ATIC: variants seen among roughly 807,000 people sequenced by gnomAD.
The protein encoded by ATIC is bifunctional purine biosynthesis protein ATIC.
In ATIC, 64 loss-of-function variants were observed where a neutral mutation model predicts 72.5. That is an observed-to-expected ratio of 0.88 (90% CI 0.72 to 1.09). The LOEUF (loss-of-function observed/expected upper bound fraction) is 1.09. Among genes scored for constraint, ATIC ranks in the 50% least tolerant of loss-of-function variants. The pLI, the probability that ATIC is intolerant of heterozygous loss-of-function variation, is 0.00. For missense variants in ATIC, 787 were observed against 732.4 expected, an observed-to-expected ratio of 1.07 and a Z score of -0.86; for synonymous variants, 281 against 267.1, an observed-to-expected ratio of 1.05 and a Z score of -0.51.
the ATIC span, chr2:215,364,851 G>C: frequency 6.8e-7 from 1 of 1,463,310 alleles, no homozygotes; most frequent in Non-Finnish European, 9.3e-7. Context: ...TATCTAACTT[G>C]TAGGGAGCCT....
chr2:215,342,088 T>C (rs760072364), intron 12 of ATIC, among the ~76,000 whole-genome samples: 41 of 152,158 alleles, frequency 2.7e-4, no homozygotes, highest in Non-Finnish European at 4.9e-4. Context: ...TCCAGTTACC[T>C]CCACCTAGTC....
intron 10 of ATIC, 23 bp from the exon 11 acceptor site, chr2:215,336,012 A>G (rs1484975102): frequency 1.9e-6 from 3 of 1,557,912 alleles, no homozygotes; most frequent in South Asian, 1.1e-5. Context: ...AAAAATAGAA[A>G]TTAAAATTTA....
intron 2 of ATIC, among the ~76,000 whole-genome samples, chr2:215,315,681 T>C (rs1381563014): frequency 6.6e-6 from 1 of 152,160 alleles, no homozygotes; most frequent in Non-Finnish European, 1.5e-5. Context: ...CTGGGCGCAG[T>C]GGCTCACCCC....
Position 215,326,944 on chromosome 2 carries a change from G to C in ATIC, c.654G>C (p.Gln218His). The C allele has an allele frequency of 6.2e-7, 1 of 1,614,178 alleles. No homozygotes were observed. The highest frequency in any genetic ancestry group is 8.5e-7 in the Non-Finnish European group (1 of 1,180,046). The change falls in exon 7 of 16, where the codon CAG (glutamine) becomes CAC (histidine). Residue 218 changes from glutamine (Q) to histidine (H), a missense_variant. Coordinates refer to ENST00000236959, the MANE Select transcript of ATIC (RefSeq NM_004044.7). ...TGAACCCACATCAGACCCCTGCCCA[G>C]CTGTACACACTGCAGCCCAAGCTTC... is the stretch of plus-strand genomic sequence containing the variant. Reference protein sequence around the residue: ...YGMNPHQTPAQLYTLQPKLPI... With the variant: ...YGMNPHQTPAHLYTLQPKLPI...
chr2:215,335,877 T>C (rs2052948128), intron 10 of ATIC, 158 bp from the exon 11 acceptor site: 3 of 619,978 alleles, frequency 4.8e-6, no homozygotes, highest in Admixed American at 2.9e-5. Context: ...TGTATTCTAA[T>C]AGATTTCTCT....
chr2:215,367,738 A>G, the ATIC span: 1 of 930,526 alleles, frequency 1.1e-6, no homozygotes, highest in Non-Finnish European at 1.7e-6. Flanking sequence ...GTCAAACAGT[A>G]TTCTCTTGTT....
chr2:215,366,676 T>TGC, the ATIC span, among the ~76,000 whole-genome samples: 1 of 152,216 alleles, frequency 6.6e-6, no homozygotes, highest in Non-Finnish European at 1.5e-5. Context: ...CAATTCAGCC[T>TGC]GCCTTAAGCT....
chr2:215,319,970 A>G (rs1216869272), intron 4 of ATIC, among the ~76,000 whole-genome samples: 1 of 152,178 alleles, frequency 6.6e-6, no homozygotes, highest in Non-Finnish European at 1.5e-5. Flanking sequence ...CCCTTATCTG[A>G]AATGCTTGGG....
chr2:215,324,263 T>G (rs2052799191), intron 4 of ATIC, among the ~76,000 whole-genome samples: 1 of 152,240 alleles, frequency 6.6e-6, no homozygotes. Flanking sequence ...TGATGTTAGC[T>G]GTGGGTTTTT....
intron 9 of ATIC, 138 bp from the exon 10 acceptor site, chr2:215,334,781 T>G: frequency 1.4e-6 from 1 of 697,770 alleles, no homozygotes; most frequent in South Asian, 1.7e-5. Flanking sequence ...TTAAATGACT[T>G]ATTGATCTGT....
chr2:215,335,782 C>G (rs2106024293), intron 10 of ATIC, among the ~76,000 whole-genome samples: 1 of 152,256 alleles, frequency 6.6e-6, no homozygotes, highest in African/African-American at 2.4e-5. Flanking sequence ...GTGTTAAGAG[C>G]AAATCAGTCA....
intron 7 of ATIC, 114 bp downstream of exon 7, chr2:215,327,092 T>C: frequency 6.7e-7 from 1 of 1,503,242 alleles, no homozygotes; most frequent in Non-Finnish European, 9.2e-7. Flanking sequence ...TAATGCCTCC[T>C]GTAGCCATCT....
rs754045596 is a variant in ATIC at position 215,326,130 on chromosome 2, G to T, written c.523G>T (p.Ala175Ser). The stretch of plus-strand genomic sequence containing the variant: ...CTCCTTGGAGACTAGACGCCAGTTA[G>T]CCTTGAAGGTGGGATGCACTTTCAT... Reference protein sequence around the residue: ...DTSLETRRQLALKAFTHTAQY... With the variant: ...DTSLETRRQLSLKAFTHTAQY... The change falls in exon 6 of 16, where the codon GCC (alanine) becomes TCC (serine). Residue 175 changes from alanine to serine, a missense_variant. Ala to Ser is a moderately conservative substitution (Grantham distance 99). Transcript: ENST00000236959. The T allele has an allele frequency of 1.2e-6, 2 of 1,613,980 alleles. No individual in the cohort carries two copies. Among genetic ancestry groups the T allele is most frequent in the Admixed American group, 3.3e-5 (2 of 60,022 alleles).
Position 215,325,297 on chromosome 2 carries a change from C to G in ATIC, c.347C>G (p.Thr116Ser), listed in dbSNP as rs2372536. Residue 116 changes from threonine (T) to serine (S), a missense_variant, in exon 5 of 16, where the codon ACT becomes AGT. Thr to Ser is a moderately conservative substitution (Grantham distance 58). Coordinates refer to ENST00000236959, the MANE Select transcript of ATIC (RefSeq NM_004044.7). ...FVKTVASPGV[T>S]VEEAVEQIDI... Reference sequence around the variant, plus strand: ...AAGACAGTGGCTTCTCCAGGTGTAACTGTTGAGGAGGCTGTGGAGCAAATT... The same window carrying G: ...AAGACAGTGGCTTCTCCAGGTGTAAGTGTTGAGGAGGCTGTGGAGCAAATT... 0.32 allele frequency: 513,864 copies of G among 1,610,906 alleles called. 86,062 individuals carry two copies. Among genetic ancestry groups the G allele is most frequent in the South Asian group, 0.47 (43,053 of 90,992 alleles).
chr2:215,313,760 C>G (rs1012384245), intron 2 of ATIC, among the ~76,000 whole-genome samples: 1 of 151,996 alleles, frequency 6.6e-6, no homozygotes, highest in Admixed American at 6.6e-5. Flanking sequence ...GGTAAGAATG[C>G]CTTACTTTAT....
downstream of ATIC, among the ~76,000 whole-genome samples, chr2:215,351,601 T>G (rs1358161705): frequency 6.6e-6 from 1 of 152,104 alleles, no homozygotes; most frequent in Non-Finnish European, 1.5e-5. Context: ...AGAGAAAATT[T>G]TAATTAGCTG....
chr2:215,321,435 A>G (rs527479451), intron 4 of ATIC, among the ~76,000 whole-genome samples: 1 of 152,338 alleles, frequency 6.6e-6, no homozygotes, highest in Admixed American at 6.5e-5. Flanking sequence ...TAATGCAGCT[A>G]TAAATATTTG....
chr2:215,346,636 T>C, intron 13 of ATIC, 123 bp from the exon 14 acceptor site: 6 of 1,090,262 alleles, frequency 5.5e-6, no homozygotes, highest in Non-Finnish European at 8.4e-6. Flanking sequence ...ATTTCTCTTA[T>C]TTTGGCCTGA....
At chr2:215,322,898 G>A (rs114837034) in intron 4 of ATIC, among the ~76,000 whole-genome samples, 2,261 of 152,164 alleles carry the variant, frequency 0.015, 50 homozygotes, top group African/African-American at 0.051. Context: ...ATCAGCAAGT[G>A]TGAGTCCTCC....
Sources: gnomAD v4.1 joint callset for allele counts (sites outside exome capture counted in the v4.1 genomes callset) on GRCh38, gnomAD v4.1.1 for gene constraint, MANE v1.5 for transcripts, NCBI Gene and HGNC (gene_info 2026-07-23, HGNC 2026-07-21) for gene names.